SAMTOR: variants seen among roughly 807,000 people sequenced by gnomAD.
SAMTOR encodes the protein S-adenosylmethionine sensor upstream of mTORC1, also known as UPF0532 protein C7orf60.
chr7:112,844,802 C>T, the SAMTOR span, among the ~76,000 whole-genome samples: 3 of 152,072 alleles, frequency 2.0e-5, no homozygotes, highest in African/African-American at 7.2e-5. Context: ...CAATCCTAAG[C>T]AAAAAGAACA....
chr7:112,841,095 A>T, the SAMTOR span, among the ~76,000 whole-genome samples: 35 of 152,030 alleles, frequency 2.3e-4, no homozygotes, highest in Non-Finnish European at 4.0e-4. Context: ...CAATCCGGCA[A>T]GAGAAAGAAA....
chr7:112,833,182 G>A, the SAMTOR span, among the ~76,000 whole-genome samples: 1 of 152,020 alleles, frequency 6.6e-6, no homozygotes, highest in African/African-American at 2.4e-5. Flanking sequence ...CATTCAGGCT[G>A]TTGCAACATC....
chr7:112,890,051 TAACAA>T, the SAMTOR span, among the ~76,000 whole-genome samples: 1 of 152,122 alleles, frequency 6.6e-6, no homozygotes, highest in Non-Finnish European at 1.5e-5. Context: ...GTCAGAAATT[TAACAA>T]AGATCCTGGA....
the SAMTOR span, among the ~76,000 whole-genome samples, chr7:112,890,934 C>T: frequency 1.3e-5 from 2 of 152,124 alleles, no homozygotes; most frequent in African/African-American, 4.8e-5. Context: ...AAGCAATCCA[C>T]CTGTCTTGGC....
the SAMTOR span, among the ~76,000 whole-genome samples, chr7:112,893,163 G>A: frequency 6.6e-6 from 1 of 152,196 alleles, no homozygotes; most frequent in African/African-American, 2.4e-5. Context: ...CCTAACAAGA[G>A]AGGCTGCCTG....
At chr7:112,885,342 A>G in the SAMTOR span, among the ~76,000 whole-genome samples, 1 of 152,004 alleles carries the variant, frequency 6.6e-6, no homozygotes, top group Non-Finnish European at 1.5e-5. Context: ...GCCAGCTTGA[A>G]TTTCTCCCCA....
the SAMTOR span, among the ~76,000 whole-genome samples, chr7:112,896,494 T>G: frequency 6.6e-6 from 1 of 152,226 alleles, no homozygotes; most frequent in South Asian, 2.1e-4. Flanking sequence ...AGGATCCCAT[T>G]AGTTCAACTT....
the SAMTOR span, among the ~76,000 whole-genome samples, chr7:112,925,522 G>A: frequency 1.6e-4 from 25 of 152,300 alleles, no homozygotes; most frequent in African/African-American, 5.1e-4. Context: ...GGTTGGGTGT[G>A]GTAGCTCTTG....
chr7:112,870,150 T>C, the SAMTOR span, among the ~76,000 whole-genome samples: 1 of 152,170 alleles, frequency 6.6e-6, no homozygotes, highest in Non-Finnish European at 1.5e-5. Context: ...TCATGAAAAT[T>C]TCCCCCATCT....
At chr7:112,845,887 T>C in the SAMTOR span, among the ~76,000 whole-genome samples, 1 of 152,042 alleles carries the variant, frequency 6.6e-6, no homozygotes, top group East Asian at 1.9e-4. Context: ...ATTGCAGTCA[T>C]AAAAAAGAAC....
At chr7:112,938,267 G>A in the SAMTOR span, among the ~76,000 whole-genome samples, 18 of 152,264 alleles carry the variant, frequency 1.2e-4, no homozygotes, top group African/African-American at 4.3e-4. Flanking sequence ...ACCATCCTAA[G>A]TAGGTCTGAT....
chr7:112,824,151 T>C, the SAMTOR span, among the ~76,000 whole-genome samples: 2 of 152,204 alleles, frequency 1.3e-5, no homozygotes, highest in Non-Finnish European at 2.9e-5. Flanking sequence ...TTTAACAGTG[T>C]CCTTTGAAGA....
chr7:112,895,328 T>C, the SAMTOR span, among the ~76,000 whole-genome samples: 1 of 152,010 alleles, frequency 6.6e-6, no homozygotes, highest in African/African-American at 2.4e-5. Context: ...TCGTATTTAA[T>C]GAACCATTCT....
At chr7:112,860,572 CA>C in the SAMTOR span, among the ~76,000 whole-genome samples, 4 of 151,174 alleles carry the variant, frequency 2.6e-5, no homozygotes, top group South Asian at 2.1e-4. Context: ...AGATTCTTTG[CA>C]AAAAAAACTA....
chr7:112,909,932 C>A, the SAMTOR span, among the ~76,000 whole-genome samples: 11 of 151,416 alleles, frequency 7.3e-5, no homozygotes, highest in African/African-American at 2.4e-4. Context: ...ATAAAGCACA[C>A]CCTGTGCACA....
At chr7:112,853,715 C>G in the SAMTOR span, among the ~76,000 whole-genome samples, 13 of 152,210 alleles carry the variant, frequency 8.5e-5, no homozygotes, top group African/African-American at 3.1e-4. Context: ...CCAGCAAAGG[C>G]AGATATGGGA....
At chr7:112,825,841 C>A in the SAMTOR span, among the ~76,000 whole-genome samples, 1 of 150,786 alleles carries the variant, frequency 6.6e-6, no homozygotes, top group Non-Finnish European at 1.5e-5. Flanking sequence ...AAGAAATTCC[C>A]TTAAATTCTG....
the SAMTOR span, among the ~76,000 whole-genome samples, chr7:112,923,533 TCAGGAAACAA>T: frequency 6.6e-6 from 1 of 151,914 alleles, no homozygotes; most frequent in Non-Finnish European, 1.5e-5. Flanking sequence ...AAAAATTAAG[TCAGGAAACAA>T]CAGGTGCTGG....
the SAMTOR span, among the ~76,000 whole-genome samples, chr7:112,856,328 C>T: frequency 6.6e-6 from 1 of 151,090 alleles, no homozygotes; most frequent in African/African-American, 2.4e-5. Context: ...TGGCTCATTG[C>T]AACCTCTGCC....
Sources: allele counts gnomAD v4.1 joint callset (sites outside exome capture counted in the v4.1 genomes callset), GRCh38; gene constraint gnomAD v4.1.1; transcripts MANE v1.5; gene names NCBI Gene and HGNC (gene_info 2026-07-23, HGNC 2026-07-21).